The following CTNNA3 variants were observed in gnomAD, a reference collection of about 807,000 sequenced individuals.
CTNNA3 encodes the protein catenin alpha-3.
Under a neutral mutation model 95.7 loss-of-function variants are expected in CTNNA3, and 76 were observed. That is an observed-to-expected ratio of 0.79 (90% CI 0.66 to 0.96). The LOEUF (loss-of-function observed/expected upper bound fraction) is 0.96, where lower values mean the gene tolerates loss of function less well. Among genes scored for constraint, CTNNA3 ranks in the 40% least tolerant of loss-of-function variants. CTNNA3 has a pLI of 0.00. For missense variants in CTNNA3, 1,191 were observed against 1,089.8 expected (o/e 1.09, Z -1.31); for synonymous variants, 431 against 374.4 (o/e 1.15, Z -1.74).
rs934656113 is a variant in CTNNA3 at position 67,327,437 on chromosome 10, A to G, written c.580-107567T>C. 1.5e-4 allele frequency among the ~76,000 whole-genome samples: 23 copies of G among 151,804 alleles called. 1 individual carries two copies. The highest frequency in any genetic ancestry group is 5.6e-4 in the African/African-American group (23 of 41,296). ...TCCTATTTGATGACCTTGAAGTTTG[A>G]TTGTGGTATAAAGTGAATTCAGCTA... is the stretch of plus-strand genomic sequence containing the variant. On this transcript the variant is annotated intron_variant, in intron 5 of 17. Coordinates refer to ENST00000433211, the MANE Select transcript of CTNNA3 (RefSeq NM_013266.4).
At chr10:66,446,310 C>T (rs2093420892) in intron 11 of CTNNA3, among the ~76,000 whole-genome samples, 1 of 152,114 alleles carries the variant, frequency 6.6e-6, no homozygotes, top group Non-Finnish European at 1.5e-5. Flanking sequence ...GGGAATCCTC[C>T]CTAACTCATT....
chr10:67,306,246 C>T (rs796810946), intron 5 of CTNNA3, among the ~76,000 whole-genome samples: 6 of 152,120 alleles, frequency 3.9e-5, no homozygotes, highest in African/African-American at 1.4e-4. Context: ...TCAGAACGAG[C>T]TAATAAAAGA....
At chr10:67,117,163 G>T (rs1859228032) in intron 7 of CTNNA3, among the ~76,000 whole-genome samples, 2 of 151,800 alleles carry the variant, frequency 1.3e-5, no homozygotes. Flanking sequence ...TTGACCTTCA[G>T]CAATGTCAGC....
intron 5 of CTNNA3, among the ~76,000 whole-genome samples, chr10:67,456,148 A>G (rs1329477996): frequency 6.6e-6 from 1 of 152,198 alleles, no homozygotes; most frequent in Non-Finnish European, 1.5e-5. Context: ...GAAGAGAATT[A>G]GATCCTAAAC....
At chr10:67,394,890 CA>C (rs1472650779) in intron 5 of CTNNA3, among the ~76,000 whole-genome samples, 3 of 151,920 alleles carry the variant, frequency 2.0e-5, no homozygotes, top group African/African-American at 7.3e-5. Context: ...GAATATAAAT[CA>C]AAAATTCTAT....
intron 17 of CTNNA3, 55 bp downstream of exon 17, chr10:65,966,557 A>G: frequency 1.4e-6 from 2 of 1,466,596 alleles, no homozygotes; most frequent in Non-Finnish European, 1.8e-6. Flanking sequence ...GGGTGTAGTT[A>G]CTCTGTTTCA....
intron 17 of CTNNA3, among the ~76,000 whole-genome samples, chr10:65,942,807 T>TAA (rs34732622): frequency 2.0e-5 from 3 of 151,968 alleles, no homozygotes; most frequent in South Asian, 4.1e-4. Context: ...GGCTCTGGAA[T>TAA]AAAAAAACCT....
intron 1 of CTNNA3, among the ~76,000 whole-genome samples, chr10:67,683,355 T>C (rs1019522354): frequency 1.3e-5 from 2 of 152,212 alleles, no homozygotes; most frequent in Non-Finnish European, 2.9e-5. Context: ...GGGTCTATTT[T>C]TGGTTCACTG....
At chr10:67,502,948 G>C (rs1839279367) in intron 5 of CTNNA3, among the ~76,000 whole-genome samples, 1 of 152,192 alleles carries the variant, frequency 6.6e-6, no homozygotes, top group Non-Finnish European at 1.5e-5. Flanking sequence ...TGGCTCCCTG[G>C]CTTCAGCCCC....
chr10:66,766,172 A>G (rs1839842581), intron 9 of CTNNA3, 92 bp downstream of exon 9: 4 of 1,355,152 alleles, frequency 3.0e-6, no homozygotes, highest in African/African-American at 1.4e-5. Context: ...CACGGTGTCA[A>G]AAGTTTTTAT....
intron 7 of CTNNA3, chr10:67,097,838 A>G: frequency 6.4e-7 from 1 of 1,565,704 alleles, no homozygotes; most frequent in Non-Finnish European, 8.8e-7. Context: ...AAACTTTGTA[A>G]CCTCAAGGAC....
chr10:67,654,246 T>G (rs1293218626), intron 1 of CTNNA3, among the ~76,000 whole-genome samples: 7 of 152,186 alleles, frequency 4.6e-5, no homozygotes, highest in Non-Finnish European at 7.3e-5. Context: ...GTAGAAAGAT[T>G]GGCGAGTAGA....
chr10:66,426,235 T>C (rs2093239781), intron 11 of CTNNA3, among the ~76,000 whole-genome samples: 1 of 152,084 alleles, frequency 6.6e-6, no homozygotes, highest in African/African-American at 2.4e-5. Flanking sequence ...ATGCTTTCTA[T>C]TGGGTGTATA....
intron 9 of CTNNA3, among the ~76,000 whole-genome samples, chr10:66,750,722 T>C (rs1564657842): frequency 6.6e-6 from 1 of 152,206 alleles, no homozygotes; most frequent in East Asian, 1.9e-4. Context: ...ATATAAACTT[T>C]AGAAGTAATT....
At position 67,034,735 on chromosome 10, in the gene CTNNA3, G is replaced by T. The variant is rs146520702; in HGVS notation, c.1047+145582C>A. 9.4e-3 allele frequency among the ~76,000 whole-genome samples: 1,434 copies of T among 152,250 alleles called. 13 individuals carry two copies. The highest frequency in any genetic ancestry group is 0.014 in the Non-Finnish European group (948 of 68,018). ...CAGATGCAAAAACTGACTCTCTAGT[G>T]GCTGTATAATAAGTAAATCTCTTTC... On this transcript the variant is annotated intron_variant, in intron 7 of 17. Transcript: ENST00000433211.
At chr10:67,004,592 C>T (rs898733567) in intron 7 of CTNNA3, among the ~76,000 whole-genome samples, 3 of 152,018 alleles carry the variant, frequency 2.0e-5, no homozygotes, top group Admixed American at 2.0e-4. Context: ...TAACCTTGAT[C>T]CGTTCTAATA....
chr10:66,757,209 C>G (rs1839394593), intron 9 of CTNNA3, among the ~76,000 whole-genome samples: 2 of 152,094 alleles, frequency 1.3e-5, no homozygotes, highest in Non-Finnish European at 2.9e-5. Context: ...TCTTGGTAAC[C>G]TACTGTAAGC....
At chr10:66,142,411 C>A (rs1389760686) in intron 13 of CTNNA3, among the ~76,000 whole-genome samples, 1 of 152,098 alleles carries the variant, frequency 6.6e-6, no homozygotes, top group African/African-American at 2.4e-5. Flanking sequence ...ATTATGGAAG[C>A]TTTATGGTAA....
At chr10:66,565,593 A>G (rs771263490) in intron 10 of CTNNA3, among the ~76,000 whole-genome samples, 2 of 152,218 alleles carry the variant, frequency 1.3e-5, no homozygotes, top group Non-Finnish European at 2.9e-5. Context: ...AGGAAAACTC[A>G]CAGCAGGTTG....
Sources: gnomAD v4.1 joint callset for allele counts (sites outside exome capture counted in the v4.1 genomes callset) on GRCh38, gnomAD v4.1.1 for gene constraint, MANE v1.5 for transcripts, NCBI Gene and HGNC (gene_info 2026-07-23, HGNC 2026-07-21) for gene names.